The following MATR3 variants were observed in gnomAD, a reference collection of about 807,000 sequenced individuals.
MATR3 encodes matrin 3, also known as matrin-3.
Under a neutral mutation model 85.5 loss-of-function variants are expected in MATR3, and 4 were observed. That is an observed-to-expected ratio of 0.05 (90% CI 0.02 to 0.11). The LOEUF is 0.11. Among genes scored for constraint, MATR3 ranks in the 10% least tolerant of loss-of-function variants. MATR3 has a pLI of 1.00. For synonymous variants in MATR3, 336 were observed against 343.1 expected, an observed-to-expected ratio of 0.98 and a Z score of 0.23; for missense variants, 685 against 1,016.1, an observed-to-expected ratio of 0.67 and a Z score of 4.43.
At chr5:139,288,842 C>T (rs1026262723), upstream of MATR3, among the ~76,000 whole-genome samples, 9 of 152,216 alleles carry the variant, frequency 5.9e-5, no homozygotes, top group African/African-American at 2.2e-4. Context: ...CAGGGTTTCA[C>T]CATGTCAGAA....
At chr5:139,321,236 G>T (rs1253678777) in intron 9 of MATR3, among the ~76,000 whole-genome samples, 1 of 151,906 alleles carries the variant, frequency 6.6e-6, no homozygotes, top group African/African-American at 2.4e-5. Flanking sequence ...TATAAACTCC[G>T]CCTCCTGGGT....
At position 139,322,850 on chromosome 5, in the gene MATR3, C is replaced by T. The variant is rs557085910; in HGVS notation, c.2031C>T (p.Asp677=). 2.4e-5 allele frequency: 39 copies of T among 1,614,014 alleles called. No individual in the cohort carries two copies. Among genetic ancestry groups the T allele is most frequent in the African/African-American group, 2.7e-5 (2 of 74,964 alleles). Residue 677 remains aspartate (D), a synonymous_variant, in exon 12 of 15, where the codon GAC becomes GAT. Coordinates refer to ENST00000394805, the MANE Select transcript of MATR3 (RefSeq NM_018834.6). The part of the protein sequence containing the change: ...ALLESGSSVG[D]ETDLANLGDV... ...TAGAAAGTGGCAGTTCAGTGGGAGA[C>T]GAGACCGATCTTGCTAATTTAGGTG...
rs138232999 is a variant in MATR3 at position 139,314,369 on chromosome 5, G to T, written c.913-306G>T. ...ACAGTAAAAATTAATAAGCCTTGCT[G>T]ATCTCAAGGTTAGTTACTACTCTTG... On this transcript the variant is annotated intron_variant, in intron 2 of 14. Coordinates refer to ENST00000394805, the MANE Select transcript of MATR3 (RefSeq NM_018834.6). 487 of 353,908 alleles carry T rather than the reference G, an allele frequency of 1.4e-3. 2 individuals are homozygous for T. The highest frequency in any genetic ancestry group is 9.6e-3 in the African/African-American group (461 of 47,842). The allele number at this position is 353,908 out of a possible 1,614,324, so 21.9% of individuals were successfully genotyped here.
chr5:139,289,843 C>T (rs896351718), upstream of MATR3, among the ~76,000 whole-genome samples: 2 of 152,170 alleles, frequency 1.3e-5, no homozygotes, highest in African/African-American at 2.4e-5. Flanking sequence ...TTCCTTCTTC[C>T]CATATTCAGC....
rs1484746567 is a variant in MATR3 at position 139,322,842 on chromosome 5, G to C, written c.2023G>C (p.Val675Leu). The C allele has an allele frequency of 6.2e-7, 1 of 1,614,220 alleles. No homozygotes were observed. Among genetic ancestry groups the C allele is most frequent in the Non-Finnish European group, 8.5e-7 (1 of 1,180,032 alleles). ...AAALLESGSS[V>L]GDETDLANLG... ...AGCACTGCTAGAAAGTGGCAGTTCA[G>C]TGGGAGACGAGACCGATCTTGCTAA... Residue 675 changes from valine (V) to leucine (L), a missense_variant, in exon 12 of 15, where the codon GTG becomes CTG. Around this residue, in one of 9 missense-constraint regions of MATR3, gnomAD observed 215 missense variants for 194.7 expected, o/e 1.10. Coordinates refer to ENST00000394805, the MANE Select transcript of MATR3 (RefSeq NM_018834.6).
At chr5:139,292,467 A>G (rs116104130), upstream of MATR3, among the ~76,000 whole-genome samples, 855 of 152,276 alleles carry the variant, frequency 5.6e-3, 7 homozygotes, top group African/African-American at 0.019. Flanking sequence ...TTGGGGAGAG[A>G]GTTGCAGCCA....
intron 1 of MATR3, among the ~76,000 whole-genome samples, chr5:139,303,389 T>C (rs553952147): frequency 6.6e-6 from 1 of 152,334 alleles, no homozygotes; most frequent in South Asian, 2.1e-4. Flanking sequence ...CGTGAGCCAC[T>C]GCGCCCTGCC....
At chr5:139,312,591 A>G (rs1379693792) in intron 2 of MATR3, 5 of 152,196 alleles carry the variant, frequency 3.3e-5, no homozygotes, top group East Asian at 1.9e-4. Flanking sequence ...ATAGCTTCCA[A>G]CATTTTAAGG....
At chr5:139,308,529 T>G (rs1215628554) in intron 2 of MATR3, among the ~76,000 whole-genome samples, 2 of 152,246 alleles carry the variant, frequency 1.3e-5, no homozygotes, top group Admixed American at 6.5e-5. Flanking sequence ...CTGCCTAGAT[T>G]ACTTCTGGCC....
chr5:139,293,182 G>A (rs1339805783), upstream of MATR3: 1 of 152,164 alleles, frequency 6.6e-6, no homozygotes, highest in East Asian at 1.9e-4. Context: ...ATCCCTTGAG[G>A]ATAGGAGTTC....
chr5:139,322,408 G>A, intron 10 of MATR3, 55 bp from the exon 11 acceptor site: 2 of 1,443,742 alleles, frequency 1.4e-6, no homozygotes, highest in South Asian at 2.3e-5. Flanking sequence ...TTAATTCACT[G>A]GATAATTGTG....
intron 2 of MATR3, among the ~76,000 whole-genome samples, chr5:139,309,223 T>C (rs4031609): frequency 2.3e-4 from 35 of 152,292 alleles, no homozygotes; most frequent in Non-Finnish European, 3.1e-4. Flanking sequence ...TGACTTTTTT[T>C]CCCCCAATAT....
At chr5:139,294,995 T>G (rs1473987945) in intron 1 of MATR3, 1 of 152,206 alleles carries the variant, frequency 6.6e-6, no homozygotes, top group Non-Finnish European at 1.5e-5. Flanking sequence ...GTTGATTTCG[T>G]AGGTAGGGGT....
intron 3 of MATR3, chr5:139,283,377 G>C (rs1338662623): frequency 6.6e-6 from 1 of 152,256 alleles, no homozygotes; most frequent in African/African-American, 2.4e-5. Context: ...CCCAGCAAGT[G>C]ATGGGTTGGA....
chr5:139,286,838 C>T (rs1275471987), intron 3 of MATR3, among the ~76,000 whole-genome samples: 2 of 101,462 alleles, frequency 2.0e-5, no homozygotes, highest in South Asian at 3.7e-4. Context: ...AGCCAGACTC[C>T]GTCTCAAAAA....
chr5:139,278,514 T>TACA (rs1278027257), intron 2 of MATR3: 23 of 382,538 alleles, frequency 6.0e-5, no homozygotes, highest in Non-Finnish European at 3.7e-5. Context: ...AACCTGTATT[T>TACA]GTAAGATCCA....
chr5:139,317,494 C>G, intron 6 of MATR3, 102 bp from the exon 7 acceptor site: 1 of 1,156,324 alleles, frequency 8.6e-7, no homozygotes, highest in South Asian at 1.3e-5. Flanking sequence ...TTTACTTACA[C>G]TCTCCTGGTT....
At chr5:139,314,976 A>G (rs374580154) in intron 3 of MATR3, 1 of 442,828 alleles carries the variant, frequency 2.3e-6, no homozygotes, top group East Asian at 4.6e-5. Context: ...ATTGGTCATT[A>G]TACAAATTGG....
At chr5:139,322,236 C>G (rs1307735807) in intron 10 of MATR3, among the ~76,000 whole-genome samples, 1 of 152,112 alleles carries the variant, frequency 6.6e-6, no homozygotes, top group Admixed American at 6.5e-5. Flanking sequence ...CTTCATTGCT[C>G]TTATCTGTTT....
Sources: allele counts gnomAD v4.1 joint callset (sites outside exome capture counted in the v4.1 genomes callset), GRCh38; gene constraint gnomAD v4.1.1; regional missense constraint gnomAD v4.1.1; transcripts MANE v1.5; gene names NCBI Gene and HGNC (gene_info 2026-07-23, HGNC 2026-07-21).